PRMT5: variants seen among roughly 807,000 people sequenced by gnomAD.
The protein encoded by PRMT5 is protein arginine N-methyltransferase 5.
In PRMT5, 15 loss-of-function variants were observed where a neutral mutation model predicts 84.0. That is an observed-to-expected ratio of 0.18 (90% CI 0.12 to 0.28). The LOEUF is 0.28. Ranked by LOEUF, PRMT5 falls within the 10% of genes least tolerant of loss-of-function variation. PRMT5 has a pLI of 1.00. For missense variants in PRMT5, 486 were observed against 808.0 expected (o/e 0.60, Z 4.83); for synonymous variants, 276 against 292.4 (o/e 0.94, Z 0.57).
In PRMT5 at chr14:22,926,631, T is replaced by C. The variant is rs1297893365; in HGVS notation, c.563+71A>G. On this transcript the variant is annotated intron_variant, in intron 5 of 16. Transcript: ENST00000324366. ...TCACCACAGCTCAAGGAGACCTCCC[T>C]ACAGGTTGCACCCTGTACTTCCCCT... 3 of 1,603,032 alleles carry C rather than the reference T, an allele frequency of 1.9e-6. No individual in the cohort carries two copies. The East Asian group carries it at 6.7e-5, about 36-fold the overall frequency.
rs1293607379 is a variant in PRMT5, at chr14:22,926,697, C to T, written c.563+5G>A. Reference sequence around the variant, plus strand: ...ACCCTGGTACAGCAGCAAAGGGAGACATACCACATCCACGTTTTCTCCTCC... The same window carrying T: ...ACCCTGGTACAGCAGCAAAGGGAGATATACCACATCCACGTTTTCTCCTCC... On this transcript the variant is annotated splice_donor_5th_base_variant and intron_variant, in intron 5 of 16. Coordinates refer to ENST00000324366, the MANE Select transcript of PRMT5 (RefSeq NM_006109.5). 1 of 1,611,970 alleles carries T rather than the reference C, an allele frequency of 6.2e-7. No homozygotes were observed. The highest frequency in any genetic ancestry group is 8.5e-7 in the Non-Finnish European group (1 of 1,178,002).
Position 22,922,534 on chromosome 14 carries a change from A to G in PRMT5, c.1605T>C (p.Tyr535=), listed in dbSNP as rs555526167. Residue 535 remains tyrosine (Y), a synonymous_variant, in exon 15 of 17, where the codon TAT becomes TAC. Transcript: ENST00000324366. ...NRDPMIDNNR[Y]CTLEFPVEVN... is the part of the protein sequence containing the mutation. ...CCTCCACAGGAAATTCCAAGGTGCA[A>G]TAGCGGTTGTTGTCAATCATAGGAT... is the stretch of plus-strand genomic sequence containing the variant. 13 of 1,614,034 alleles carry G rather than the reference A, an allele frequency of 8.1e-6. No homozygotes were observed. The highest frequency in any genetic ancestry group is 2.7e-5 in the African/African-American group (2 of 75,040).
rs199765768 is a variant in PRMT5 at position 22,929,246 on chromosome 14, C to T, written c.110+6G>A. 80 of 1,614,124 alleles carry T rather than the reference C, an allele frequency of 5.0e-5. No homozygotes were observed. The East Asian group carries it at 1.5e-3, about 31-fold the overall frequency. On this transcript the variant is annotated splice_donor_region_variant and intron_variant, in intron 1 of 16. Coordinates refer to ENST00000324366, the MANE Select transcript of PRMT5 (RefSeq NM_006109.5). ...CGCATTCCGCTCGTGGAGGTCCGGC[C>T]CTCACCCCTGCTTGGCCACAGCCCC...
chr14:22,926,736 CTG>C lies in PRMT5; in HGVS notation c.527_528del (p.Thr176ArgfsTer21). ...GTTTTCTCCTCCCCACTGTACTCCT[CTG>C]TGTGTGTAGTTGGTGCATTCTCAAT... ...DIIENAPTTH[T>X]EEYSGEEKTW... On this transcript the variant is annotated frameshift_variant, in exon 5 of 17. Transcript: ENST00000324366. LOFTEE classifies it high-confidence loss of function. 1 of 1,614,166 alleles carries C rather than the reference CTG, an allele frequency of 6.2e-7. No homozygotes were observed.
Position 22,920,895 on chromosome 14 carries a change from C to T in PRMT5, c.*9G>A, listed in dbSNP as rs2044268544. The T allele has an allele frequency of 1.2e-6, 2 of 1,613,824 alleles. No individual in the cohort carries two copies. The highest frequency in any genetic ancestry group is 2.7e-5 in the African/African-American group (2 of 75,062). On this transcript the variant is annotated 3_prime_UTR_variant, in exon 17 of 17. Transcript: ENST00000324366. ...TGCTTCCAAGGCTCTGGACACTTGG[C>T]ACGCAGGGCTAGAGGCCAATGGTAT...
chr14:22,927,560 G>C lies in PRMT5; in HGVS notation c.416C>G (p.Thr139Ser), dbSNP rs1313292314. 1.2e-6 allele frequency: 2 copies of C among 1,613,946 alleles called. No homozygotes were observed. The highest frequency in any genetic ancestry group is 1.7e-6 in the Non-Finnish European group (2 of 1,180,006). ...GTGATGGCCAGTGTGGATGTGGTTG[G>C]TCAAAACTCTGGCCAGGTTGGTGTT... ...EDNTNLARVLTNHIHTGHHSS... is the reference protein window; with the variant it reads ...EDNTNLARVLSNHIHTGHHSS... Residue 139 changes from threonine to serine, a missense_variant, in exon 4 of 17, where the codon ACC becomes AGC. Coordinates refer to ENST00000324366, the MANE Select transcript of PRMT5 (RefSeq NM_006109.5).
chr14:22,924,485 T>C lies in PRMT5; in HGVS notation c.1070A>G (p.Asn357Ser). ...TTGAGGGGAAAGCACTCACTGGACATTGGTATCCTTCTCCTCTTCTGGTAC... is the reference window on the plus strand; with the variant it reads ...TTGAGGGGAAAGCACTCACTGGACACTGGTATCCTTCTCCTCTTCTGGTAC... ...DRVPEEEKDT[N>S]VQVLMVLGAG... is the part of the protein sequence containing the mutation. Residue 357 changes from asparagine to serine, a missense_variant, in exon 10 of 17, where the codon AAT (asparagine) becomes AGT (serine). Asn to Ser is a conservative substitution (Grantham distance 46, BLOSUM62 1). Around this residue, in one of 4 missense-constraint regions of PRMT5, gnomAD observed 219 missense variants for 433.6 expected, o/e 0.51. Coordinates refer to ENST00000324366, the MANE Select transcript of PRMT5 (RefSeq NM_006109.5). The surrounding 1 kb of genome is among the most constrained non-coding windows in gnomAD (Gnocchi z 6.5). 1.2e-6 allele frequency: 2 copies of C among 1,613,984 alleles called. No homozygotes were observed. Among genetic ancestry groups the C allele is most frequent in the African/African-American group, 1.3e-5 (1 of 75,002 alleles).
chr14:22,922,320 A>C (rs1360165079), intron 15 of PRMT5, 80 bp from the exon 16 acceptor site: 7 of 1,144,004 alleles, frequency 6.1e-6, no homozygotes, highest in Non-Finnish European at 8.8e-6. Context: ...CTCTTCTCTA[A>C]TCACACAAAG....
At chr14:22,922,589 G>A (rs771436369) in intron 14 of PRMT5, 30 bp from the exon 15 acceptor site, 1 of 1,575,432 alleles carries the variant, frequency 6.3e-7, no homozygotes, top group South Asian at 1.1e-5. Flanking sequence ...TGGGTGACAA[G>A]GGGCCAGAAG....
Position 22,920,705 on chromosome 14 carries a change from G to T in PRMT5, c.*199C>A, listed in dbSNP as rs1225005673. On this transcript the variant is annotated 3_prime_UTR_variant, in exon 17 of 17. Coordinates refer to ENST00000324366, the MANE Select transcript of PRMT5 (RefSeq NM_006109.5). Reference sequence around the variant, plus strand: ...ACTAATTCCTCACCCCCTGGCCTGAGGTCTTCATAGATTGGTGGCTTGAGC... The same window carrying T: ...ACTAATTCCTCACCCCCTGGCCTGATGTCTTCATAGATTGGTGGCTTGAGC... 1.3e-6 allele frequency: 1 copy of T among 793,672 alleles called. No individual in the cohort carries two copies. Among genetic ancestry groups the T allele is most frequent in the African/African-American group, 1.7e-5 (1 of 58,686 alleles). The allele number at this position is 793,672 out of a possible 1,614,324, so 49.2% of individuals were successfully genotyped here.
chr14:22,922,324 C>CAA (rs1555353202), intron 15 of PRMT5, 84 bp from the exon 16 acceptor site: 2 of 1,399,062 alleles, frequency 1.4e-6, no homozygotes, highest in Non-Finnish European at 2.0e-6. Context: ...TCTCTAATCA[C>CAA]ACAAAGATCT....
rs769125377 is a variant in PRMT5, at chr14:22,929,317, G to C, written c.45C>G (p.Ser15=). 4.3e-6 allele frequency: 7 copies of C among 1,612,466 alleles called. No individual in the cohort carries two copies. In the Admixed American group the frequency reaches 5.0e-5, roughly 12 times the overall value. Residue 15 remains serine, a synonymous_variant, in exon 1 of 17, where the codon TCC becomes TCG. Coordinates refer to ENST00000324366, the MANE Select transcript of PRMT5 (RefSeq NM_006109.5). Reference sequence around the variant, plus strand: ...GGACGCAATTCAGGTCCCTCCCGCTGGACACGCGGCTCCCACCAGCACCCC... The same window carrying C: ...GGACGCAATTCAGGTCCCTCCCGCTCGACACGCGGCTCCCACCAGCACCCC... The part of the protein sequence containing the change: ...AVGGAGGSRV[S]SGRDLNCVPE...
intron 4 of PRMT5, 112 bp from the exon 5 acceptor site, chr14:22,926,926 T>G: frequency 9.9e-6 from 7 of 706,772 alleles, no homozygotes; most frequent in Non-Finnish European, 1.8e-5. Flanking sequence ...TTTATATGCT[T>G]TTCCCAATTT....
chr14:22,923,588 A>C lies in PRMT5; in HGVS notation c.1375+420T>G, dbSNP rs2044352481. On this transcript the variant is annotated intron_variant, in intron 12 of 16. Coordinates refer to ENST00000324366, the MANE Select transcript of PRMT5 (RefSeq NM_006109.5). The surrounding 1 kb of genome is among the most constrained non-coding windows in gnomAD (Gnocchi z 5.2). ...GAGTGCAGTGGCACAATCTCAGCTCACTGCAACCTTCTCCTCCCAGGTTCA... is the reference window on the plus strand; with the variant it reads ...GAGTGCAGTGGCACAATCTCAGCTCCCTGCAACCTTCTCCTCCCAGGTTCA... Among the ~76,000 whole-genome samples the C allele has an allele frequency of 6.6e-6, 1 of 151,980 alleles. No individual in the cohort carries two copies. The highest frequency in any genetic ancestry group is 1.5e-5 in the Non-Finnish European group (1 of 68,010).
In PRMT5 at chr14:22,920,759, C is replaced by A. The variant is rs778888253; in HGVS notation, c.*145G>T. 118 of 1,222,182 alleles carry A rather than the reference C, an allele frequency of 9.7e-5. No individual in the cohort carries two copies. The highest frequency in any genetic ancestry group is 1.4e-4 in the Non-Finnish European group (114 of 829,486). 75.7% of individuals were successfully genotyped at this position (1,222,182 alleles called of 1,614,324 possible). ...GCAATTAATTATAATCCCTTGCCCA[C>A]CTTGATGTAAGGCAGGAAAGCAGAT... is the stretch of plus-strand genomic sequence containing the variant. On this transcript the variant is annotated 3_prime_UTR_variant, in exon 17 of 17. Transcript: ENST00000324366.
At position 22,922,533 on chromosome 14, in the gene PRMT5, A is replaced by G. The variant is rs1481031362; in HGVS notation, c.1606T>C (p.Cys536Arg). ...ACCTCCACAGGAAATTCCAAGGTGC[A>G]ATAGCGGTTGTTGTCAATCATAGGA... is the stretch of plus-strand genomic sequence containing the variant. ...RDPMIDNNRYCTLEFPVEVNT... is the reference protein window; with the variant it reads ...RDPMIDNNRYRTLEFPVEVNT... Residue 536 changes from cysteine to arginine, a missense_variant, in exon 15 of 17, where the codon TGC becomes CGC. Physicochemically the swap from Cys to Arg is radical, Grantham distance 180 (BLOSUM62 -3). Around this residue, in one of 4 missense-constraint regions of PRMT5, gnomAD observed 219 missense variants for 433.6 expected, o/e 0.51. Coordinates refer to ENST00000324366, the MANE Select transcript of PRMT5 (RefSeq NM_006109.5). 2 of 1,614,000 alleles carry G rather than the reference A, an allele frequency of 1.2e-6. No homozygotes were observed. Among genetic ancestry groups the G allele is most frequent in the Non-Finnish European group, 1.7e-6 (2 of 1,179,948 alleles).
Position 22,924,340 on chromosome 14 carries a change from G to A in PRMT5, c.1129C>T (p.Arg377Trp), listed in dbSNP as rs758527390. ...GRGPLVNASL[R>W]AAKQADRRIK... ...CGCCGGTCGGCCTGCTTGGCTGCCCGCAGGGAAGCGTTCACCAGGGGTCCC... is the reference window on the plus strand; with the variant it reads ...CGCCGGTCGGCCTGCTTGGCTGCCCACAGGGAAGCGTTCACCAGGGGTCCC... The change falls in exon 11 of 17, where the codon CGG (arginine) becomes TGG (tryptophan). Residue 377 changes from arginine (R) to tryptophan (W), a missense_variant. By Grantham distance (101) the Arg-to-Trp change is moderately radical. This residue lies in a region of PRMT5 where 219 missense variants were observed against 433.6 expected (regional missense o/e 0.51). Transcript: ENST00000324366. The surrounding 1 kb of genome is among the most constrained non-coding windows in gnomAD (Gnocchi z 6.5). 9.9e-6 allele frequency: 16 copies of A among 1,613,906 alleles called. No individual in the cohort carries two copies. Among genetic ancestry groups the A allele is most frequent in the South Asian group, 4.4e-5 (4 of 91,080 alleles).
rs201524125 is a variant in PRMT5, at chr14:22,927,537, G to A, written c.439C>T (p.His147Tyr). ...CCCCTCAGCTATACCATGGAAGAGTGATGGCCAGTGTGGATGTGGTTGGTC... is the reference window on the plus strand; with the variant it reads ...CCCCTCAGCTATACCATGGAAGAGTAATGGCCAGTGTGGATGTGGTTGGTC... The part of the protein sequence containing the change: ...VLTNHIHTGH[H>Y]SSMFWMRVPL... The change falls in exon 4 of 17, where the codon CAC becomes TAC. Residue 147 changes from histidine to tyrosine, a missense_variant. Coordinates refer to ENST00000324366, the MANE Select transcript of PRMT5 (RefSeq NM_006109.5). 2.6e-5 allele frequency: 42 copies of A among 1,613,938 alleles called. No individual in the cohort carries two copies. The highest frequency in any genetic ancestry group is 6.7e-5 in the East Asian group (3 of 44,886).
Position 22,923,886 on chromosome 14 carries a change from G to GTA in PRMT5, c.1375+121_1375+122insTA. The GTA allele has an allele frequency of 2.7e-5, 28 of 1,050,830 alleles. No homozygotes were observed. The highest frequency in any genetic ancestry group is 1.4e-4 in the South Asian group (8 of 57,584). 65.1% of individuals were successfully genotyped at this position (1,050,830 alleles called of 1,614,324 possible). Reference sequence around the variant, plus strand: ...AGGGGCACAGAGGCAGTGAAGCAGTGGCTCTCAAACTCATATGATGTGACC... The same window carrying GTA: ...AGGGGCACAGAGGCAGTGAAGCAGTGTAGCTCTCAAACTCATATGATGTGACC... On this transcript the variant is annotated intron_variant, in intron 12 of 16. Transcript: ENST00000324366. The surrounding 1 kb of genome is among the most constrained non-coding windows in gnomAD (Gnocchi z 5.2).
Sources: gnomAD v4.1 joint callset for allele counts (sites outside exome capture counted in the v4.1 genomes callset) on GRCh38, gnomAD v4.1.1 for gene constraint, gnomAD v4.1.1 regional missense constraint, Gnocchi (gnomAD v3.1) non-coding constraint, MANE v1.5 for transcripts, NCBI Gene and HGNC (gene_info 2026-07-23, HGNC 2026-07-21) for gene names.